Variants in ATP2B2 observed in about 807,000 individuals in gnomAD.
ATP2B2 encodes ATPase plasma membrane Ca2+ transporting 2.
In ATP2B2, 15 loss-of-function variants were observed where a neutral mutation model predicts 120.0. That is an observed-to-expected ratio of 0.12 (90% CI 0.08 to 0.19). The LOEUF is 0.19. Among genes scored for constraint, ATP2B2 ranks in the 10% least tolerant of loss-of-function variants. ATP2B2 has a pLI of 1.00. For missense variants in ATP2B2, 1,045 were observed against 1,719.8 expected (o/e 0.61, Z 6.94); for synonymous variants, 694 against 700.3 (o/e 0.99, Z 0.14).
chr3:10,328,620 G>GA lies in ATP2B2; in HGVS notation c.*193dup, dbSNP rs1319474425. The GA allele has an allele frequency of 2.0e-5, 13 of 648,256 alleles. No individual in the cohort carries two copies. The South Asian group carries it at 2.5e-4, about 12-fold the overall frequency. The allele number at this position is 648,256 out of a possible 1,614,324, so 40.2% of individuals were successfully genotyped here. On this transcript the variant is annotated 3_prime_UTR_variant, in exon 23 of 23. Coordinates refer to ENST00000360273, the MANE Select transcript of ATP2B2 (RefSeq NM_001001331.4). ...GAGATCCCGCCCCTTGCCTTGAAGT[G>GA]AAAAAGAGTTCAAACAGCATCGCAG...
intron 1 of ATP2B2, among the ~76,000 whole-genome samples, chr3:10,488,469 TC>T (rs2065804782): frequency 1.3e-5 from 1 of 76,260 alleles, no homozygotes; most frequent in South Asian, 5.5e-4. Flanking sequence ...ACAAATTCCT[TC>T]CTTCCTTCCT....
chr3:10,605,425 G>A (rs371896808), intron 2 of ATP2B2, among the ~76,000 whole-genome samples: 1 of 152,272 alleles, frequency 6.6e-6, no homozygotes, highest in East Asian at 1.9e-4. Flanking sequence ...TAGCCTCCTT[G>A]CCTCTGTTAG....
chr3:10,482,608 C>A (rs934521434), intron 1 of ATP2B2, among the ~76,000 whole-genome samples: 2 of 152,204 alleles, frequency 1.3e-5, no homozygotes, highest in Non-Finnish European at 2.9e-5. Flanking sequence ...CACAGGTGGT[C>A]TCCCTGACCT....
chr3:10,371,433 C>T (rs2125503129), intron 12 of ATP2B2, among the ~76,000 whole-genome samples: 1 of 152,312 alleles, frequency 6.6e-6, no homozygotes, highest in Non-Finnish European at 1.5e-5. Context: ...CCAGCTGAAC[C>T]CAGCTTGAAT....
intron 2 of ATP2B2, among the ~76,000 whole-genome samples, chr3:10,434,563 A>G (rs1381338735): frequency 6.6e-6 from 1 of 152,256 alleles, no homozygotes; most frequent in Non-Finnish European, 1.5e-5. Context: ...CCTTGTAGGT[A>G]GGCATATCTG....
intron 10 of ATP2B2, among the ~76,000 whole-genome samples, chr3:10,377,460 A>G (rs1444754348): frequency 1.3e-5 from 2 of 152,182 alleles, no homozygotes; most frequent in Non-Finnish European, 2.9e-5. Flanking sequence ...GACAGCCACA[A>G]AGGATCGAGC....
chr3:10,600,552 C>T (rs981419273), intron 2 of ATP2B2, among the ~76,000 whole-genome samples: 22 of 152,358 alleles, frequency 1.4e-4, no homozygotes, highest in East Asian at 1.2e-3. Context: ...GGCCCTTTCA[C>T]GGCGAGAACT....
intron 2 of ATP2B2, among the ~76,000 whole-genome samples, chr3:10,572,999 G>A (rs1443650095): frequency 2.0e-5 from 3 of 152,116 alleles, no homozygotes; most frequent in Non-Finnish European, 4.4e-5. Context: ...TCTGCAGACG[G>A]GACGTGCAGA....
At chr3:10,657,779 G>C (rs1490824924) in intron 1 of ATP2B2, among the ~76,000 whole-genome samples, 1 of 152,222 alleles carries the variant, frequency 6.6e-6, no homozygotes, top group East Asian at 1.9e-4. Context: ...TTTGAGATCT[G>C]AGAATGGACA....
At chr3:10,583,751 G>T (rs1432632816) in intron 2 of ATP2B2, among the ~76,000 whole-genome samples, 3 of 152,182 alleles carry the variant, frequency 2.0e-5, no homozygotes, top group Non-Finnish European at 4.4e-5. Context: ...TCTCTGGTGG[G>T]TTCGGACTGA....
At position 10,398,438 on chromosome 3, in the gene ATP2B2, G is replaced by A. The variant is rs375126692; in HGVS notation, c.781+2515C>T. Among the ~76,000 whole-genome samples, 234 of 152,292 alleles carry A rather than the reference G, an allele frequency of 1.5e-3. 1 individual carries two copies. The highest frequency in any genetic ancestry group is 2.6e-3 in the Non-Finnish European group (180 of 68,034). ...AGAGGGCCTGTAGTGGCTTTTTGCA[G>A]TCACCCCTTTCTCATCTCAGTGCTC... On this transcript the variant is annotated intron_variant, in intron 5 of 22. Transcript: ENST00000360273.
At chr3:10,591,147 G>A (rs4269071) in intron 2 of ATP2B2, among the ~76,000 whole-genome samples, 126,959 of 151,808 alleles carry the variant, frequency 0.84, 53,654 homozygotes, top group Non-Finnish European at 0.9. Flanking sequence ...ACCATGAATG[G>A]CCCTCCCCAG....
At chr3:10,457,813 A>AC (rs1488803085) in intron 1 of ATP2B2, among the ~76,000 whole-genome samples, 1 of 151,932 alleles carries the variant, frequency 6.6e-6, no homozygotes, top group Non-Finnish European at 1.5e-5. Context: ...AAATCTAAAA[A>AC]AAAATCCCAA....
intron 1 of ATP2B2, among the ~76,000 whole-genome samples, chr3:10,687,779 T>C (rs1365265027): frequency 2.6e-5 from 4 of 152,130 alleles, no homozygotes; most frequent in Non-Finnish European, 5.9e-5. Flanking sequence ...GAGAATTGTT[T>C]GAACCTGGGA....
Position 10,328,116 on chromosome 3 carries a change from T to C in ATP2B2, c.*698A>G, listed in dbSNP as rs1251036631. 6.7e-6 allele frequency: 1 copy of C among 148,272 alleles called. No homozygotes were observed. 9.2% of individuals were successfully genotyped at this position (148,272 alleles called of 1,614,324 possible). A position where few individuals can be genotyped will look rare whatever the true frequency, so the allele number is the denominator to read the frequency against. On this transcript the variant is annotated 3_prime_UTR_variant, in exon 23 of 23. Coordinates refer to ENST00000360273, the MANE Select transcript of ATP2B2 (RefSeq NM_001001331.4). ...AAGAAACTTTATATATCCATGTATA[T>C]ATATTTATATATATATATATATATC...
intron 5 of ATP2B2, among the ~76,000 whole-genome samples, chr3:10,399,955 G>A (rs758932860): frequency 3.1e-4 from 47 of 152,352 alleles, no homozygotes; most frequent in Non-Finnish European, 5.1e-4. Context: ...AGGACATTCA[G>A]GCTAGGGGCT....
intron 2 of ATP2B2, among the ~76,000 whole-genome samples, chr3:10,586,271 GAGA>G (rs1241679587): frequency 6.6e-6 from 1 of 152,192 alleles, no homozygotes; most frequent in African/African-American, 2.4e-5. Context: ...GCAAGGATGA[GAGA>G]AGGATGCTGG....
At chr3:10,632,303 A>G (rs1164960377) in intron 1 of ATP2B2, among the ~76,000 whole-genome samples, 2 of 152,200 alleles carry the variant, frequency 1.3e-5, no homozygotes, top group Admixed American at 6.5e-5. Flanking sequence ...GAGAGGCCGC[A>G]GTCTCCACCA....
intron 2 of ATP2B2, among the ~76,000 whole-genome samples, chr3:10,597,764 C>A (rs781591423): frequency 6.6e-6 from 1 of 152,204 alleles, no homozygotes; most frequent in Non-Finnish European, 1.5e-5. Context: ...ATAATAGTAT[C>A]TATTGCATAT....
Sources: gnomAD v4.1 joint callset for allele counts (sites outside exome capture counted in the v4.1 genomes callset) on GRCh38, gnomAD v4.1.1 for gene constraint, MANE v1.5 for transcripts, NCBI Gene and HGNC (gene_info 2026-07-23, HGNC 2026-07-21) for gene names.